Variants in ATL2 observed in about 807,000 individuals in gnomAD.
ATL2 encodes atlastin GTPase 2.
Under a neutral mutation model 73.9 loss-of-function variants are expected in ATL2, and 31 were observed. The observed-to-expected ratio is 0.42, with a 90% CI of 0.32 to 0.57. The LOEUF is 0.57. Ranked by LOEUF, ATL2 falls within the 20% of genes least tolerant of loss-of-function variation. ATL2 has a pLI of 0.14. For synonymous variants in ATL2, 291 were observed against 237.5 expected (o/e 1.23, Z -2.07); for missense variants, 738 against 702.6 (o/e 1.05, Z -0.57).
chr2:38,344,967 C>T (rs563041899), intron 1 of ATL2, among the ~76,000 whole-genome samples: 6 of 152,268 alleles, frequency 3.9e-5, no homozygotes, highest in East Asian at 3.9e-4. Context: ...TGAATAGTGA[C>T]GAAGAAGTAC....
chr2:38,357,660 A>G (rs1251451529), intron 1 of ATL2, among the ~76,000 whole-genome samples: 1 of 149,402 alleles, frequency 6.7e-6, no homozygotes, highest in Non-Finnish European at 1.5e-5. Flanking sequence ...TCAAAAAAAA[A>G]AAAAAAAAAA....
chr2:38,324,139 A>G (rs1264183230), intron 2 of ATL2, among the ~76,000 whole-genome samples: 1 of 152,136 alleles, frequency 6.6e-6, no homozygotes, highest in Non-Finnish European at 1.5e-5. Context: ...TTAGCCAAGC[A>G]TGGTGGTGCA....
In ATL2 at chr2:38,359,208, G is replaced by A. The variant is rs927493546; in HGVS notation, c.119-15696C>T. Among the ~76,000 whole-genome samples, 8 of 152,220 alleles carry A rather than the reference G, an allele frequency of 5.3e-5. 1 individual carries two copies. The highest frequency in any genetic ancestry group is 3.9e-4 in the Admixed American group (6 of 15,282). On this transcript the variant is annotated intron_variant, in intron 1 of 12. Coordinates refer to ENST00000378954, the MANE Select transcript of ATL2 (RefSeq NM_001135673.4). ...AAAGAGGGCAGCTGCAGTGGCTCAC[G>A]CCTGTAATCCTAGCACTTTGGGAGG...
intron 2 of ATL2, among the ~76,000 whole-genome samples, chr2:38,327,645 A>T (rs1179726506): frequency 6.6e-6 from 1 of 152,186 alleles, no homozygotes; most frequent in African/African-American, 2.4e-5. Context: ...ACACCAATTA[A>T]AAGAAACTGT....
intron 1 of ATL2, among the ~76,000 whole-genome samples, chr2:38,367,207 C>A (rs1002090735): frequency 6.6e-6 from 1 of 152,006 alleles, no homozygotes; most frequent in Non-Finnish European, 1.5e-5. Context: ...AGATCTGAAC[C>A]TAGCTTCTAA....
intron 9 of ATL2, among the ~76,000 whole-genome samples, chr2:38,306,950 G>A (rs561240241): frequency 1.3e-5 from 2 of 152,286 alleles, no homozygotes; most frequent in South Asian, 4.1e-4. Context: ...TGGGAAAACT[G>A]AATATCCATA....
rs796297928 is a variant in ATL2 at position 38,367,082 on chromosome 2, A to C, written c.118+10061T>G. ...CCATCCTGCAGCCTCAGCCTCCCAA[A>C]GTGCTGGGATTAAAGGCACGAGCCA... On this transcript the variant is annotated intron_variant, in intron 1 of 12. Transcript: ENST00000378954. Among the ~76,000 whole-genome samples, 8 of 152,024 alleles carry C rather than the reference A, an allele frequency of 5.3e-5. No homozygotes were observed. In the South Asian group the frequency reaches 1.7e-3, roughly 32 times the overall value.
At chr2:38,337,720 T>C (rs895843565) in intron 2 of ATL2, among the ~76,000 whole-genome samples, 9 of 151,880 alleles carry the variant, frequency 5.9e-5, no homozygotes, top group East Asian at 3.9e-4. Context: ...TGAAATGAGA[T>C]TGGAATTGAT....
chr2:38,296,002 T>C lies in ATL2; in HGVS notation c.1744A>G (p.Thr582Ala). The stretch of plus-strand genomic sequence containing the variant: ...CGTGAGGAGATGAACTGTCAGTCTG[T>C]CTTTAATCTGGCATGATGAGACACC... The part of the protein sequence containing the change: ...DQVSHHARLK[T>A]D Residue 582 changes from threonine to alanine, a missense_variant, in exon 13 of 13, where the codon ACA (threonine) becomes GCA (alanine). Transcript: ENST00000378954. The C allele has an allele frequency of 6.5e-7, 1 of 1,548,610 alleles. No individual in the cohort carries two copies. Among genetic ancestry groups the C allele is most frequent in the Non-Finnish European group, 8.7e-7 (1 of 1,144,034 alleles).
intron 9 of ATL2, chr2:38,300,580 T>C (rs911824086): frequency 2.8e-6 from 1 of 356,950 alleles, no homozygotes; most frequent in African/African-American, 2.1e-5. Flanking sequence ...AGATATAAAA[T>C]GCCATCTTCT....
At chr2:38,370,079 C>G (rs1329331047) in intron 1 of ATL2, among the ~76,000 whole-genome samples, 9 of 135,592 alleles carry the variant, frequency 6.6e-5, no homozygotes, top group South Asian at 2.4e-4. Context: ...GCGTGAACCC[C>G]GGGGGGCGGA....
chr2:38,348,598 T>C (rs947509647), intron 1 of ATL2, among the ~76,000 whole-genome samples: 3 of 151,872 alleles, frequency 2.0e-5, no homozygotes, highest in Non-Finnish European at 2.9e-5. Context: ...TTTGCTCTTA[T>C]TGTAAAGAAA....
chr2:38,308,455 A>G lies in ATL2; in HGVS notation c.1071+924T>C, dbSNP rs564462586. On this transcript the variant is annotated intron_variant, in intron 9 of 12. Coordinates refer to ENST00000378954, the MANE Select transcript of ATL2 (RefSeq NM_001135673.4). ...ACTAGAAAGATGGTTACTAGAGTCT[A>G]GGAAAGGTAGTCAGAGGGTGGAGGG... Among the ~76,000 whole-genome samples the G allele has an allele frequency of 3.3e-5, 5 of 152,274 alleles. No homozygotes were observed. The South Asian group carries it at 8.3e-4, about 25-fold the overall frequency.
intron 2 of ATL2, among the ~76,000 whole-genome samples, chr2:38,334,687 A>G (rs934482272): frequency 2.6e-5 from 4 of 151,070 alleles, no homozygotes; most frequent in Non-Finnish European, 5.9e-5. Flanking sequence ...AACATGAACG[A>G]AACTCCGTCT....
chr2:38,296,798 T>C, intron 12 of ATL2: 1 of 1,505,514 alleles, frequency 6.6e-7, no homozygotes, highest in South Asian at 1.3e-5. Flanking sequence ...TAAACTATAC[T>C]GAAAATGATT....
At chr2:38,351,287 C>G (rs975560554) in intron 1 of ATL2, among the ~76,000 whole-genome samples, 39 of 151,894 alleles carry the variant, frequency 2.6e-4, no homozygotes, top group African/African-American at 8.9e-4. Flanking sequence ...TTTTTAAGAG[C>G]CTTAAAGAGG....
intron 1 of ATL2, among the ~76,000 whole-genome samples, chr2:38,362,221 A>G (rs757116272): frequency 2.6e-5 from 4 of 152,250 alleles, no homozygotes; most frequent in African/African-American, 7.2e-5. Flanking sequence ...CTAGCTCCCT[A>G]AAGTTCCAGA....
chr2:38,375,988 G>A (rs1383166828), intron 1 of ATL2: 18 of 1,181,792 alleles, frequency 1.5e-5, no homozygotes, highest in Non-Finnish European at 2.0e-5. Flanking sequence ...GAGTCCTTGT[G>A]GTTAACATCA....
intron 2 of ATL2, among the ~76,000 whole-genome samples, chr2:38,341,096 A>G (rs368899954): frequency 7.2e-5 from 11 of 152,340 alleles, no homozygotes; most frequent in African/African-American, 2.6e-4. Context: ...TCATTCCTAG[A>G]TAAGTGATCT....
Sources: gnomAD v4.1 joint callset for allele counts (sites outside exome capture counted in the v4.1 genomes callset) on GRCh38, gnomAD v4.1.1 for gene constraint, MANE v1.5 for transcripts, NCBI Gene and HGNC (gene_info 2026-07-23, HGNC 2026-07-21) for gene names.